Variants in PRKG1 observed in about 807,000 individuals in gnomAD.
PRKG1 encodes the protein cGMP-dependent protein kinase 1.
PRKG1 carries 35 observed loss-of-function variants against 88.1 expected under a neutral mutation model. The observed-to-expected ratio is 0.40, with a 90% CI of 0.30 to 0.53. The LOEUF (loss-of-function observed/expected upper bound fraction) is 0.53, where lower values mean the gene tolerates loss of function less well. Ranked by LOEUF, PRKG1 falls within the 20% of genes least tolerant of loss-of-function variation. PRKG1 has a pLI of 0.59. For missense variants in PRKG1, 540 were observed against 839.8 expected, an observed-to-expected ratio of 0.64 and a Z score of 4.41; for synonymous variants, 303 against 292.5, an observed-to-expected ratio of 1.04 and a Z score of -0.37.
chr10:52,275,074 G>GA (rs1236083988), intron 12 of PRKG1, among the ~76,000 whole-genome samples: 15 of 152,134 alleles, frequency 9.9e-5, no homozygotes, highest in African/African-American at 2.7e-4. Flanking sequence ...GGAGATTCTG[G>GA]ATATTAGTCC....
chr10:51,852,215 A>G lies in PRKG1; in HGVS notation c.698+47525A>G, dbSNP rs114961523. On this transcript the variant is annotated intron_variant, in intron 4 of 17. Coordinates refer to ENST00000373980, the MANE Select transcript of PRKG1 (RefSeq NM_006258.4). ...AGGCAAACCTAAGTTTTATATGTGT[A>G]TATATATATATATACACACACACAC... Among the ~76,000 whole-genome samples, 43 of 144,676 alleles carry G rather than the reference A, an allele frequency of 3.0e-4. No homozygotes were observed. In the East Asian group the frequency reaches 3.3e-3, roughly 11 times the overall value. 94.9% of individuals were successfully genotyped at this position (144,676 alleles called of 152,430 possible).
At chr10:51,506,817 T>C (rs990053957) in intron 3 of PRKG1, among the ~76,000 whole-genome samples, 1 of 152,030 alleles carries the variant, frequency 6.6e-6, no homozygotes, top group Non-Finnish European at 1.5e-5. Context: ...ACCCAAAGGA[T>C]TATAAATCAT....
chr10:52,240,784 AATGG>A (rs1212712645), intron 9 of PRKG1, among the ~76,000 whole-genome samples: 1 of 152,054 alleles, frequency 6.6e-6, no homozygotes, highest in Non-Finnish European at 1.5e-5. Context: ...CCATTTCAAG[AATGG>A]ATGGTGTTCT....
chr10:51,277,488 A>G (rs963780243), intron 2 of PRKG1, among the ~76,000 whole-genome samples: 1 of 152,162 alleles, frequency 6.6e-6, no homozygotes, highest in Non-Finnish European at 1.5e-5. Flanking sequence ...GTTTTTTCCA[A>G]TTCTGTGAAG....
chr10:51,660,543 C>T (rs182182539), intron 3 of PRKG1, among the ~76,000 whole-genome samples: 249 of 152,144 alleles, frequency 1.6e-3, no homozygotes, highest in Middle Eastern at 0.01. Context: ...AACCTAATTA[C>T]GAAAAGCTTA....
chr10:52,174,881 T>C (rs1023670683), intron 9 of PRKG1, among the ~76,000 whole-genome samples: 1 of 152,054 alleles, frequency 6.6e-6, no homozygotes, highest in African/African-American at 2.4e-5. Context: ...AATTGATATA[T>C]ATAACTGTTC....
intron 2 of PRKG1, among the ~76,000 whole-genome samples, chr10:51,277,995 A>G (rs1840175218): frequency 6.6e-6 from 1 of 152,146 alleles, no homozygotes; most frequent in African/African-American, 2.4e-5. Context: ...ACTATGTTGA[A>G]TAGGAGTGGT....
intron 3 of PRKG1, among the ~76,000 whole-genome samples, chr10:51,515,404 G>A (rs2132067886): frequency 6.6e-6 from 1 of 152,270 alleles, no homozygotes; most frequent in African/African-American, 2.4e-5. Flanking sequence ...GTTGCAGCAT[G>A]GATAGTGTGG....
chr10:52,267,058 TCATC>T (rs1272951078), intron 10 of PRKG1, among the ~76,000 whole-genome samples: 1 of 152,008 alleles, frequency 6.6e-6, no homozygotes, highest in East Asian at 1.9e-4. Context: ...ATCATCATCA[TCATC>T]ATCATCATCA....
At chr10:51,823,410 A>G (rs1839799505) in intron 4 of PRKG1, among the ~76,000 whole-genome samples, 3 of 152,108 alleles carry the variant, frequency 2.0e-5, no homozygotes, top group Admixed American at 6.6e-5. Flanking sequence ...TTACTTTGAA[A>G]TGCAAAGGGA....
chr10:51,908,711 C>CTA (rs59212192), intron 5 of PRKG1: 1 of 144,740 alleles, frequency 6.9e-6, no homozygotes, highest in Non-Finnish European at 1.5e-5. Flanking sequence ...CTCTCTCTCT[C>CTA]TCTGTCTATC....
At chr10:52,125,307 G>T (rs938276027) in intron 7 of PRKG1, among the ~76,000 whole-genome samples, 3 of 152,110 alleles carry the variant, frequency 2.0e-5, no homozygotes, top group Admixed American at 6.6e-5. Flanking sequence ...ATTGTGTGGT[G>T]CATGACTATG....
intron 2 of PRKG1, among the ~76,000 whole-genome samples, chr10:51,287,955 T>C (rs140812162): frequency 3.9e-5 from 6 of 152,158 alleles, no homozygotes; most frequent in Non-Finnish European, 8.8e-5. Flanking sequence ...ATAAAAGAAA[T>C]GCAGTATGCC....
At chr10:51,609,354 T>C (rs1838845382) in intron 3 of PRKG1, among the ~76,000 whole-genome samples, 1 of 152,114 alleles carries the variant, frequency 6.6e-6, no homozygotes, top group African/African-American at 2.4e-5. Flanking sequence ...GGGTGTGTCA[T>C]TTTTTAAATA....
chr10:51,067,065 A>G (rs1439228012), intron 1 of PRKG1, among the ~76,000 whole-genome samples: 1 of 151,954 alleles, frequency 6.6e-6, no homozygotes, highest in Non-Finnish European at 1.5e-5. Context: ...TGAAAGAATC[A>G]CCACTTAAAA....
intron 2 of PRKG1, among the ~76,000 whole-genome samples, chr10:51,406,410 C>T (rs1327336069): frequency 1.3e-5 from 2 of 152,086 alleles, no homozygotes; most frequent in African/African-American, 2.4e-5. Context: ...GAAACCCAGG[C>T]GAGATGAAGC....
intron 3 of PRKG1, among the ~76,000 whole-genome samples, chr10:51,468,934 A>G (rs1026688670): frequency 6.6e-6 from 1 of 151,814 alleles, no homozygotes; most frequent in Non-Finnish European, 1.5e-5. Flanking sequence ...TCACCTTTTT[A>G]TTCATTGGAT....
chr10:51,897,724 C>T lies in PRKG1; in HGVS notation c.699-9783C>T, dbSNP rs76572955. ...TGTTGCTTCTGCTTTCAAAATATAA[C>T]AGAGCCCAGCTGCTCCTCATCTCCT... On this transcript the variant is annotated intron_variant, in intron 4 of 17. Coordinates refer to ENST00000373980, the MANE Select transcript of PRKG1 (RefSeq NM_006258.4). Among the ~76,000 whole-genome samples the T allele has an allele frequency of 5.3e-5, 8 of 152,182 alleles. No individual in the cohort carries two copies. The East Asian group carries it at 1.5e-3, about 29-fold the overall frequency.
chr10:51,809,046 A>G (rs982734846), intron 4 of PRKG1, among the ~76,000 whole-genome samples: 44 of 152,298 alleles, frequency 2.9e-4, no homozygotes, highest in African/African-American at 9.1e-4. Context: ...TGGACACACC[A>G]GGCATATAAA....
Sources: gnomAD v4.1 joint callset for allele counts (sites outside exome capture counted in the v4.1 genomes callset) on GRCh38, gnomAD v4.1.1 for gene constraint, MANE v1.5 for transcripts, NCBI Gene and HGNC (gene_info 2026-07-23, HGNC 2026-07-21) for gene names.